The following RPS6KA2 variants were observed in gnomAD, a reference collection of about 807,000 sequenced individuals.
The protein encoded by RPS6KA2 is ribosomal protein S6 kinase alpha-2.
RPS6KA2 carries 42 observed loss-of-function variants against 91.8 expected under a neutral mutation model. That is an observed-to-expected ratio of 0.46 (90% CI 0.36 to 0.59). RPS6KA2 has a LOEUF of 0.59. RPS6KA2 is among the 20% of genes least tolerant of loss of function. The probability of loss-of-function intolerance (pLI) is 0.00; values close to 1 mark genes in which losing one functional copy is unlikely to be tolerated. For synonymous variants in RPS6KA2, 414 were observed against 393.6 expected (o/e 1.05, Z -0.61); for missense variants, 798 against 978.5 (o/e 0.82, Z 2.46).
Position 166,563,398 on chromosome 6 carries a change from A to G in RPS6KA2, c.100-24614T>C, listed in dbSNP as rs1784400410. ...CTCCCAGTCTCCTGGGCTCGCCGCCAGCGGTGGGATCCCTCTTCCTGCACA... is the reference window on the plus strand; with the variant it reads ...CTCCCAGTCTCCTGGGCTCGCCGCCGGCGGTGGGATCCCTCTTCCTGCACA... On this transcript the variant is annotated intron_variant, in intron 1 of 20. Transcript: ENST00000265678. The surrounding 1 kb of genome is among the most constrained non-coding windows in gnomAD (Gnocchi z 4.1). Among the ~76,000 whole-genome samples, 1 of 152,050 alleles carries G rather than the reference A, an allele frequency of 6.6e-6. No homozygotes were observed. The highest frequency in any genetic ancestry group is 1.5e-5 in the Non-Finnish European group (1 of 68,010).
At chr6:166,471,637 G>A (rs192562480) in intron 10 of RPS6KA2, among the ~76,000 whole-genome samples, 116 of 152,364 alleles carry the variant, frequency 7.6e-4, no homozygotes, top group African/African-American at 2.6e-3. Flanking sequence ...CATAGCACAC[G>A]GACATCTCAG....
intron 2 of RPS6KA2, among the ~76,000 whole-genome samples, chr6:166,752,854 A>T (rs1330394982): frequency 6.6e-6 from 1 of 152,168 alleles, no homozygotes; most frequent in Non-Finnish European, 1.5e-5. Context: ...CTCTTGGGGT[A>T]ATGGTGGCCC....
At chr6:166,690,680 C>T (rs980671802) in intron 2 of RPS6KA2, among the ~76,000 whole-genome samples, 4 of 152,180 alleles carry the variant, frequency 2.6e-5, no homozygotes, top group African/African-American at 9.7e-5. Flanking sequence ...CTCAGCTCTG[C>T]AGGTCCACAG....
At chr6:166,818,024 G>A (rs1305925950) in intron 2 of RPS6KA2, among the ~76,000 whole-genome samples, 2 of 151,834 alleles carry the variant, frequency 1.3e-5, no homozygotes, top group South Asian at 2.1e-4. Flanking sequence ...CGCCCGGCCC[G>A]GCCAAACCTT....
chr6:166,702,966 A>G, intron 2 of RPS6KA2: 1 of 568,466 alleles, frequency 1.8e-6, no homozygotes, highest in Non-Finnish European at 3.1e-6. Flanking sequence ...CAAACACAGT[A>G]AGAACCAAGC....
chr6:166,451,861 G>C (rs947564690), intron 12 of RPS6KA2, among the ~76,000 whole-genome samples: 1 of 152,216 alleles, frequency 6.6e-6, no homozygotes, highest in Non-Finnish European at 1.5e-5. Flanking sequence ...ACTGCTGTGA[G>C]ATTGATCCCA....
At chr6:166,413,692 T>G in intron 20 of RPS6KA2, 102 bp downstream of exon 20, 1 of 1,294,084 alleles carries the variant, frequency 7.7e-7, no homozygotes, top group South Asian at 1.4e-5. Context: ...TATGGGCTCT[T>G]TCTCTGCACT....
intron 2 of RPS6KA2, among the ~76,000 whole-genome samples, chr6:166,709,456 C>T (rs1229313815): frequency 6.6e-6 from 1 of 152,100 alleles, no homozygotes; most frequent in Non-Finnish European, 1.5e-5. Flanking sequence ...AGTGACACTC[C>T]ATCTGTACCA....
At chr6:166,588,040 T>C (rs1337614369) in intron 1 of RPS6KA2, among the ~76,000 whole-genome samples, 3 of 152,212 alleles carry the variant, frequency 2.0e-5, no homozygotes, top group African/African-American at 7.2e-5. Context: ...CAGTGATGGT[T>C]AGAGAATTCT....
chr6:166,668,880 C>T (rs1788393380), intron 2 of RPS6KA2, among the ~76,000 whole-genome samples: 1 of 121,492 alleles, frequency 8.2e-6, no homozygotes. Context: ...CTCTTCCTTC[C>T]TTCCTTTCTT....
intron 2 of RPS6KA2, among the ~76,000 whole-genome samples, chr6:166,756,002 C>T (rs990492851): frequency 3.9e-5 from 6 of 152,216 alleles, no homozygotes; most frequent in Non-Finnish European, 7.4e-5. Context: ...AATATTATTT[C>T]AGGAGTAATT....
At chr6:166,833,090 A>G (rs1168308264) in intron 2 of RPS6KA2, among the ~76,000 whole-genome samples, 2 of 152,256 alleles carry the variant, frequency 1.3e-5, no homozygotes, top group Admixed American at 6.5e-5. Flanking sequence ...CAGTTAGCCA[A>G]GCACTTGCAT....
At chr6:166,776,087 C>G (rs1562432802) in intron 2 of RPS6KA2, among the ~76,000 whole-genome samples, 2 of 152,220 alleles carry the variant, frequency 1.3e-5, no homozygotes, top group Non-Finnish European at 2.9e-5. Flanking sequence ...GCGCTCACCA[C>G]TCTTTCCTCT....
At chr6:166,543,057 G>T (rs1024430745) in intron 1 of RPS6KA2, among the ~76,000 whole-genome samples, 1 of 152,088 alleles carries the variant, frequency 6.6e-6, no homozygotes, top group Non-Finnish European at 1.5e-5. Context: ...CAACTCACAG[G>T]TCCCATCAAG....
intron 2 of RPS6KA2, among the ~76,000 whole-genome samples, chr6:166,785,207 G>GCCTGTCTGGGCAT (rs1778899781): frequency 6.6e-6 from 1 of 152,224 alleles, no homozygotes; most frequent in South Asian, 2.1e-4. Flanking sequence ...AATTCTTGAT[G>GCCTGTCTGGGCAT]TAAGCCTCTG....
At position 166,430,440 on chromosome 6, in the gene RPS6KA2, G is replaced by A. The variant is rs1779082538; in HGVS notation, c.1581+13C>T. 6.2e-7 allele frequency: 1 copy of A among 1,602,756 alleles called. No individual in the cohort carries two copies. The highest frequency in any genetic ancestry group is 8.5e-7 in the Non-Finnish European group (1 of 1,172,904). On this transcript the variant is annotated intron_variant, in intron 16 of 20. Coordinates refer to ENST00000265678, the MANE Select transcript of RPS6KA2 (RefSeq NM_021135.6). Reference sequence around the variant, plus strand: ...CCCTCCTCCCCGAAGGCTGCCCCAGGCATGGCTCCTACCCCCTGGGAATGG... The same window carrying A: ...CCCTCCTCCCCGAAGGCTGCCCCAGACATGGCTCCTACCCCCTGGGAATGG...
At chr6:166,812,343 G>A (rs1432515367) in intron 2 of RPS6KA2, among the ~76,000 whole-genome samples, 1 of 152,144 alleles carries the variant, frequency 6.6e-6, no homozygotes. Flanking sequence ...GCGACAGAGT[G>A]AGACTCCATC....
At position 166,442,019 on chromosome 6, in the gene RPS6KA2, G is replaced by A. The variant is rs1779534618; in HGVS notation, c.1332+6705C>T. Among the ~76,000 whole-genome samples, 3 of 152,260 alleles carry A rather than the reference G, an allele frequency of 2.0e-5. No homozygotes were observed. In the South Asian group the frequency reaches 6.2e-4, roughly 31 times the overall value. On this transcript the variant is annotated intron_variant, in intron 14 of 20. Coordinates refer to ENST00000265678, the MANE Select transcript of RPS6KA2 (RefSeq NM_021135.6). ...CTGAACCATGGCCCACTTGGTGGCA[G>A]CAGGACCTTTCACTGGGGTACACCC...
intron 1 of RPS6KA2, among the ~76,000 whole-genome samples, chr6:166,598,702 T>A (rs1290442803): frequency 4.6e-5 from 7 of 152,246 alleles, no homozygotes; most frequent in African/African-American, 7.2e-5. Context: ...GGAAGCCTGT[T>A]TTCTCTGAGA....
Sources: allele counts gnomAD v4.1 joint callset (sites outside exome capture counted in the v4.1 genomes callset), GRCh38; gene constraint gnomAD v4.1.1; non-coding constraint Gnocchi (gnomAD v3.1); transcripts MANE v1.5; gene names NCBI Gene and HGNC (gene_info 2026-07-23, HGNC 2026-07-21).